Variants in ZNF827 observed in about 807,000 individuals in gnomAD.
ZNF827 encodes zinc finger protein 827.
In ZNF827, 13 loss-of-function variants were observed where a neutral mutation model predicts 102.4. That is an observed-to-expected ratio of 0.13 (90% CI 0.08 to 0.20). The LOEUF (loss-of-function observed/expected upper bound fraction) is 0.20. ZNF827 is among the 10% of genes least tolerant of loss of function. The pLI, the probability that ZNF827 is intolerant of heterozygous loss-of-function variation, is 1.00. For missense variants in ZNF827, 1,103 were observed against 1,344.4 expected, an observed-to-expected ratio of 0.82 and a Z score of 2.81; for synonymous variants, 523 against 536.2, an observed-to-expected ratio of 0.98 and a Z score of 0.34.
intron 8 of ZNF827, among the ~76,000 whole-genome samples, chr4:145,812,854 T>G (rs1241446019): frequency 6.6e-6 from 1 of 152,168 alleles, no homozygotes. Context: ...AAAAGGAGAG[T>G]TACTTCATGG....
chr4:145,773,785 C>T (rs1254398639), intron 11 of ZNF827, among the ~76,000 whole-genome samples: 5 of 152,150 alleles, frequency 3.3e-5, no homozygotes, highest in Admixed American at 1.3e-4. Flanking sequence ...TTTCTTTGGC[C>T]GCGAACACAC....
intron 1 of ZNF827, among the ~76,000 whole-genome samples, chr4:145,923,941 A>G (rs1041881374): frequency 1.3e-5 from 2 of 152,190 alleles, no homozygotes; most frequent in African/African-American, 4.8e-5. Context: ...AGAAATTCAC[A>G]CTCAGGCTAA....
At chr4:145,782,360 G>C (rs776801657) in intron 8 of ZNF827, among the ~76,000 whole-genome samples, 1 of 152,154 alleles carries the variant, frequency 6.6e-6, no homozygotes, top group African/African-American at 2.4e-5. Flanking sequence ...CAGGAGCTGA[G>C]ATGAGATGAA....
At chr4:145,895,264 T>C (rs1190435311) in intron 2 of ZNF827, among the ~76,000 whole-genome samples, 3 of 152,250 alleles carry the variant, frequency 2.0e-5, no homozygotes, top group Admixed American at 6.5e-5. Context: ...CCTTGCCTAA[T>C]GTGACCAATG....
intron 4 of ZNF827, among the ~76,000 whole-genome samples, chr4:145,878,069 T>C (rs1237795673): frequency 6.6e-6 from 1 of 152,232 alleles, no homozygotes; most frequent in African/African-American, 2.4e-5. Flanking sequence ...TCTTGACTGC[T>C]ATACTTGTCA....
intron 4 of ZNF827, among the ~76,000 whole-genome samples, chr4:145,873,317 T>C (rs1017007708): frequency 6.6e-5 from 10 of 152,206 alleles, no homozygotes; most frequent in African/African-American, 1.9e-4. Context: ...TACATATTTG[T>C]TGAATGAGTA....
intron 1 of ZNF827, among the ~76,000 whole-genome samples, chr4:145,908,826 G>A (rs1289466078): frequency 6.6e-6 from 1 of 152,178 alleles, no homozygotes; most frequent in Non-Finnish European, 1.5e-5. Flanking sequence ...AAAGCATAAT[G>A]ACTGGTGCCA....
chr4:145,809,528 C>G (rs1418116225), intron 8 of ZNF827, among the ~76,000 whole-genome samples: 2 of 152,208 alleles, frequency 1.3e-5, no homozygotes, highest in African/African-American at 4.8e-5. Flanking sequence ...TGAGAAGGGT[C>G]TGAATTCTAA....
At chr4:145,877,926 A>G (rs1473042688) in intron 4 of ZNF827, among the ~76,000 whole-genome samples, 1 of 152,214 alleles carries the variant, frequency 6.6e-6, no homozygotes, top group African/African-American at 2.4e-5. Context: ...TAACACGGCC[A>G]AAGAATGAAA....
chr4:145,877,446 T>C (rs1749240399), intron 4 of ZNF827, among the ~76,000 whole-genome samples: 2 of 152,236 alleles, frequency 1.3e-5, no homozygotes, highest in African/African-American at 4.8e-5. Flanking sequence ...ATGTTAAGCG[T>C]ATTATATTCA....
At chr4:145,808,959 C>A (rs57772492) in intron 8 of ZNF827, among the ~76,000 whole-genome samples, 2,440 of 152,214 alleles carry the variant, frequency 0.016, 56 homozygotes, top group African/African-American at 0.055. Flanking sequence ...CACGACCATA[C>A]ATGGCTAATT....
At chr4:145,863,169 G>A (rs1185727535) in intron 5 of ZNF827, among the ~76,000 whole-genome samples, 2 of 152,062 alleles carry the variant, frequency 1.3e-5, no homozygotes, top group Non-Finnish European at 2.9e-5. Context: ...TAGTCATCAG[G>A]GAAATGCAAA....
chr4:145,819,297 T>C (rs902740589), intron 8 of ZNF827, among the ~76,000 whole-genome samples: 3 of 152,120 alleles, frequency 2.0e-5, no homozygotes, highest in African/African-American at 7.2e-5. Context: ...CCTGGTTGTG[T>C]TTTTGTTTTT....
intron 4 of ZNF827, among the ~76,000 whole-genome samples, chr4:145,885,130 A>C (rs1250556632): frequency 6.6e-6 from 1 of 152,118 alleles, no homozygotes; most frequent in African/African-American, 2.4e-5. Flanking sequence ...TGCCATAATA[A>C]AAAAATTTCC....
At chr4:145,766,609 G>A (rs543116615) in intron 11 of ZNF827, among the ~76,000 whole-genome samples, 18 of 152,266 alleles carry the variant, frequency 1.2e-4, no homozygotes, top group Admixed American at 4.6e-4. Flanking sequence ...AGAGAGGAAG[G>A]GGCAGCACAG....
chr4:145,916,487 G>C (rs1398846487), intron 1 of ZNF827, among the ~76,000 whole-genome samples: 3 of 152,038 alleles, frequency 2.0e-5, no homozygotes, highest in African/African-American at 7.2e-5. Flanking sequence ...CCTTTCCCCA[G>C]GCCTTGGCAC....
chr4:145,856,481 G>A (rs963766474), intron 5 of ZNF827, among the ~76,000 whole-genome samples: 3 of 152,172 alleles, frequency 2.0e-5, no homozygotes, highest in East Asian at 1.9e-4. Context: ...ACCCCAGAGA[G>A]AGGCGATGCA....
At chr4:145,918,255 A>G (rs1752808518) in intron 1 of ZNF827, among the ~76,000 whole-genome samples, 1 of 149,150 alleles carries the variant, frequency 6.7e-6, no homozygotes, top group Admixed American at 6.8e-5. Context: ...TGCGGGGCAC[A>G]TATAGTCTCT....
At chr4:145,836,634 C>A (rs2126585909) in intron 7 of ZNF827, among the ~76,000 whole-genome samples, 1 of 152,176 alleles carries the variant, frequency 6.6e-6, no homozygotes, top group Admixed American at 6.5e-5. Context: ...CCACACCTGA[C>A]CCCCATGACT....
Sources: gnomAD v4.1 joint callset for allele counts (sites outside exome capture counted in the v4.1 genomes callset) on GRCh38, gnomAD v4.1.1 for gene constraint, MANE v1.5 for transcripts, NCBI Gene and HGNC (gene_info 2026-07-23, HGNC 2026-07-21) for gene names.